The following COL4A4 variants were observed in gnomAD, a reference collection of about 807,000 sequenced individuals.
COL4A4 encodes collagen type IV alpha 4 chain.
A neutral mutation model predicts 192.9 loss-of-function variants in COL4A4; 105 were observed. That is an observed-to-expected ratio of 0.54 (90% CI 0.46 to 0.64). COL4A4 has a LOEUF of 0.64. Ranked by LOEUF, COL4A4 falls within the 30% of genes least tolerant of loss-of-function variation. COL4A4 has a pLI of 0.00. For synonymous variants in COL4A4, 762 were observed against 769.9 expected (o/e 0.99, Z 0.17); for missense variants, 1,967 against 2,169.3 (o/e 0.91, Z 1.85).
At chr2:227,002,464 C>T (rs1387028308), downstream of COL4A4, among the ~76,000 whole-genome samples, 1 of 152,242 alleles carries the variant, frequency 6.6e-6, no homozygotes, top group Admixed American at 6.5e-5. Context: ...GACCACTGCC[C>T]AAGCAGCTCC....
chr2:227,030,417 A>G, intron 41 of COL4A4, 26 bp downstream of exon 41: 1 of 1,613,200 alleles, frequency 6.2e-7, no homozygotes, highest in Non-Finnish European at 8.5e-7. Context: ...TTATTCACAT[A>G]TTACTTAACG....
chr2:227,121,387 AC>A (rs2061775104), intron 4 of COL4A4, among the ~76,000 whole-genome samples: 1 of 151,700 alleles, frequency 6.6e-6, no homozygotes, highest in Admixed American at 6.6e-5. Context: ...ACAAAGTGAG[AC>A]CCCCCATCTC....
intron 25 of COL4A4, among the ~76,000 whole-genome samples, chr2:227,074,242 C>T (rs1024813504): frequency 2.6e-5 from 4 of 151,814 alleles, no homozygotes; most frequent in African/African-American, 9.7e-5. Flanking sequence ...GGGAAAAGGA[C>T]ATGAATAGAC....
chr2:227,047,825 C>A (rs927771780), intron 34 of COL4A4, among the ~76,000 whole-genome samples: 1 of 150,994 alleles, frequency 6.6e-6, no homozygotes, highest in Non-Finnish European at 1.5e-5. Context: ...GTTTTTAAGT[C>A]CTGAAAAAAT....
At chr2:227,109,791 A>G (rs1254872528) in intron 9 of COL4A4, among the ~76,000 whole-genome samples, 21 of 151,744 alleles carry the variant, frequency 1.4e-4, no homozygotes, top group Non-Finnish European at 3.1e-4. Flanking sequence ...GCACTCTGGT[A>G]GTTGTGATAA....
chr2:227,058,387 A>G (rs1362567105), intron 28 of COL4A4, among the ~76,000 whole-genome samples: 1 of 152,096 alleles, frequency 6.6e-6, no homozygotes, highest in East Asian at 1.9e-4. Context: ...CCTTAGATAT[A>G]TTTTCACAAG....
At chr2:227,136,113 T>C (rs988993305) in intron 4 of COL4A4, among the ~76,000 whole-genome samples, 3 of 152,168 alleles carry the variant, frequency 2.0e-5, no homozygotes, top group African/African-American at 7.2e-5. Flanking sequence ...GGATCAACGT[T>C]TTACTTGTGT....
chr2:227,089,848 T>C lies in COL4A4; in HGVS notation c.1459+20A>G, dbSNP rs766160988. ...ATGTACAGTTGTCTTCTAGAAATTCTACCTTTGGTGCCTACTTGCCTTTTT... is the reference window on the plus strand; with the variant it reads ...ATGTACAGTTGTCTTCTAGAAATTCCACCTTTGGTGCCTACTTGCCTTTTT... On this transcript the variant is annotated intron_variant, in intron 21 of 47. Coordinates refer to ENST00000396625, the MANE Select transcript of COL4A4 (RefSeq NM_000092.5). 5 of 1,591,760 alleles carry C rather than the reference T, an allele frequency of 3.1e-6. No individual in the cohort carries two copies. Among genetic ancestry groups the C allele is most frequent in the East Asian group, 2.2e-5 (1 of 44,746 alleles).
intron 4 of COL4A4, among the ~76,000 whole-genome samples, chr2:227,133,937 C>T (rs1438198059): frequency 1.3e-5 from 2 of 151,864 alleles, no homozygotes; most frequent in Non-Finnish European, 2.9e-5. Context: ...GAAATCCTTA[C>T]TCAAGCCTAC....
At chr2:227,065,233 TC>T (rs1314724224) in intron 25 of COL4A4, among the ~76,000 whole-genome samples, 2 of 151,878 alleles carry the variant, frequency 1.3e-5, no homozygotes, top group East Asian at 3.9e-4. Context: ...GCTCGGAGGG[TC>T]CTACGCCAGG....
intron 30 of COL4A4, among the ~76,000 whole-genome samples, chr2:227,055,040 T>C (rs917895161): frequency 6.6e-6 from 1 of 152,150 alleles, no homozygotes; most frequent in Non-Finnish European, 1.5e-5. Context: ...TCCACCCGCC[T>C]CAGCCTCCCA....
chr2:227,109,282 G>A lies in COL4A4; in HGVS notation c.599C>T (p.Ser200Phe), dbSNP rs1218583485. 5.6e-6 allele frequency: 9 copies of A among 1,613,866 alleles called. No homozygotes were observed. Among genetic ancestry groups the A allele is most frequent in the Non-Finnish European group, 7.6e-6 (9 of 1,179,758 alleles). ...GDPGLPGLPG[S>F]WGAGGPAGPT... Reference sequence around the variant, plus strand: ...ACCTGCCGGTCCTCCTGCACCCCAAGATCCCTAAACATGAGAAAAATCAGT... The same window carrying A: ...ACCTGCCGGTCCTCCTGCACCCCAAAATCCCTAAACATGAGAAAAATCAGT... Residue 200 changes from serine to phenylalanine, a missense_variant, in exon 10 of 48, where the codon TCT (serine) becomes TTT (phenylalanine). Ser to Phe is a radical substitution (Grantham distance 155). Coordinates refer to ENST00000396625, the MANE Select transcript of COL4A4 (RefSeq NM_000092.5).
At chr2:226,994,582 A>G in the COL4A4 span, among the ~76,000 whole-genome samples, 1 of 152,186 alleles carries the variant, frequency 6.6e-6, no homozygotes, top group Non-Finnish European at 1.5e-5. Context: ...TTTGGTCCCC[A>G]TGCTTAGAAG....
At chr2:227,053,075 A>G (rs1164686142) in intron 31 of COL4A4, among the ~76,000 whole-genome samples, 1 of 149,338 alleles carries the variant, frequency 6.7e-6, no homozygotes, top group Non-Finnish European at 1.5e-5. Flanking sequence ...AACACTATAA[A>G]CCACGGTGCT....
intron 37 of COL4A4, among the ~76,000 whole-genome samples, chr2:227,041,238 A>AAGAATAGATG (rs1213446995): frequency 2.0e-5 from 3 of 152,120 alleles, no homozygotes; most frequent in African/African-American, 7.2e-5. Context: ...TTTCTTCAAA[A>AAGAATAGATG]CTGTACACCC....
intron 37 of COL4A4, among the ~76,000 whole-genome samples, chr2:227,036,924 TA>T: frequency 6.6e-6 from 1 of 152,328 alleles, no homozygotes. Context: ...TTGCTACCAG[TA>T]AATATGGATA....
chr2:226,972,938 A>AC, the COL4A4 span, among the ~76,000 whole-genome samples: 3 of 151,888 alleles, frequency 2.0e-5, no homozygotes, highest in Non-Finnish European at 2.9e-5. Context: ...GCAAAAAAAA[A>AC]AAAAAAACAA....
the COL4A4 span, among the ~76,000 whole-genome samples, chr2:226,972,939 A>C: frequency 1.8e-4 from 28 of 151,894 alleles, no homozygotes; most frequent in African/African-American, 4.3e-4. Context: ...CAAAAAAAAA[A>C]AAAAAACAAA....
the COL4A4 span, chr2:226,969,224 A>G: frequency 6.6e-6 from 1 of 152,120 alleles, no homozygotes; most frequent in African/African-American, 2.4e-5. Context: ...AGAGAGCCTG[A>G]TTGTTGCAGA....
Sources: allele counts gnomAD v4.1 joint callset (sites outside exome capture counted in the v4.1 genomes callset), GRCh38; gene constraint gnomAD v4.1.1; transcripts MANE v1.5; gene names NCBI Gene and HGNC (gene_info 2026-07-23, HGNC 2026-07-21).